XKR6: variants seen among roughly 807,000 people sequenced by gnomAD.
XKR6 encodes the protein XK related 6.
XKR6 carries 22 observed loss-of-function variants against 56.7 expected under a neutral mutation model. The ratio of observed to expected loss-of-function variants is 0.39; its 90% CI spans 0.28 to 0.55. The LOEUF is 0.55. XKR6 is among the 20% of genes least tolerant of loss of function. The pLI is 0.66. For missense variants in XKR6, 852 were observed against 889.0 expected (o/e 0.96, Z 0.53); for synonymous variants, 524 against 387.8 (o/e 1.35, Z -4.13).
intron 1 of XKR6, among the ~76,000 whole-genome samples, chr8:11,121,704 T>G (rs367974225): frequency 6.6e-5 from 10 of 152,344 alleles, no homozygotes; most frequent in South Asian, 2.1e-4. Context: ...CAAAGGATTA[T>G]AAATCATGCT....
chr8:11,055,746 G>A (rs1224507164), intron 1 of XKR6, among the ~76,000 whole-genome samples: 10 of 152,058 alleles, frequency 6.6e-5, no homozygotes, highest in East Asian at 3.9e-4. Context: ...GCACAGCCTC[G>A]TGGTGACCTC....
At chr8:11,119,333 T>A (rs1799334711) in intron 1 of XKR6, among the ~76,000 whole-genome samples, 1 of 152,244 alleles carries the variant, frequency 6.6e-6, no homozygotes. Context: ...GTCCGCTTGG[T>A]GCAGAGTTGA....
chr8:11,007,160 G>C (rs1057097107), intron 1 of XKR6, among the ~76,000 whole-genome samples: 5 of 152,164 alleles, frequency 3.3e-5, no homozygotes, highest in African/African-American at 1.2e-4. Context: ...AGCTGTGGCA[G>C]CCAATGTATG....
At chr8:10,999,920 CA>C in intron 1 of XKR6, among the ~76,000 whole-genome samples, 1 of 152,264 alleles carries the variant, frequency 6.6e-6, no homozygotes, top group Middle Eastern at 3.4e-3. Context: ...TATAAACTAA[CA>C]AAGGATTAAG....
chr8:11,018,494 A>G (rs927916905), intron 1 of XKR6, among the ~76,000 whole-genome samples: 17 of 152,116 alleles, frequency 1.1e-4, no homozygotes, highest in African/African-American at 3.4e-4. Context: ...CCTCCATAAT[A>G]TGGGGGTCCC....
chr8:10,971,932 G>A (rs1802420778), intron 1 of XKR6, among the ~76,000 whole-genome samples: 1 of 151,960 alleles, frequency 6.6e-6, no homozygotes, highest in East Asian at 1.9e-4. Context: ...CAAATTTATT[G>A]TTGATTTCCA....
intron 1 of XKR6, among the ~76,000 whole-genome samples, chr8:10,933,081 T>C (rs1353961720): frequency 6.6e-6 from 1 of 151,962 alleles, no homozygotes; most frequent in African/African-American, 2.4e-5. Context: ...TTTTTAATGA[T>C]TGCCATTCTA....
chr8:11,097,634 C>A (rs1338453363), intron 1 of XKR6, among the ~76,000 whole-genome samples: 1 of 151,328 alleles, frequency 6.6e-6, no homozygotes, highest in Non-Finnish European at 1.5e-5. Context: ...ATGGTGAAAC[C>A]CCATCTCTAC....
chr8:10,965,357 C>T (rs897653169), intron 1 of XKR6, among the ~76,000 whole-genome samples: 4 of 152,212 alleles, frequency 2.6e-5, no homozygotes, highest in African/African-American at 9.6e-5. Flanking sequence ...CCGAGCACCA[C>T]GGTCCCCCAG....
chr8:11,041,796 T>C (rs1188179407), intron 1 of XKR6, among the ~76,000 whole-genome samples: 3 of 152,202 alleles, frequency 2.0e-5, no homozygotes, highest in Non-Finnish European at 4.4e-5. Context: ...GACCTTACGC[T>C]ACTGGTGGAA....
At chr8:11,041,667 G>A (rs1799290321) in intron 1 of XKR6, among the ~76,000 whole-genome samples, 1 of 152,206 alleles carries the variant, frequency 6.6e-6, no homozygotes, top group Non-Finnish European at 1.5e-5. Flanking sequence ...GGGGTTGTGG[G>A]TCATCTTAGG....
intron 1 of XKR6, among the ~76,000 whole-genome samples, chr8:11,086,726 A>T (rs542774907): frequency 6.6e-6 from 1 of 152,206 alleles, no homozygotes; most frequent in Non-Finnish European, 1.5e-5. Flanking sequence ...CTCTGATCCT[A>T]TCTCTTTTCT....
intron 1 of XKR6, among the ~76,000 whole-genome samples, chr8:11,180,035 A>AG (rs1291556197): frequency 6.6e-6 from 1 of 152,134 alleles, no homozygotes; most frequent in Non-Finnish European, 1.5e-5. Context: ...GCTACTTGGG[A>AG]GGCTGAGGTG....
intron 1 of XKR6, among the ~76,000 whole-genome samples, chr8:11,052,108 C>G (rs889784202): frequency 7.2e-5 from 11 of 152,282 alleles, no homozygotes; most frequent in Non-Finnish European, 1.0e-4. Context: ...CCCCTCACCC[C>G]CTCTGCTCCA....
chr8:11,013,387 C>A (rs149332598), intron 1 of XKR6, among the ~76,000 whole-genome samples: 2 of 152,032 alleles, frequency 1.3e-5, no homozygotes, highest in Admixed American at 6.6e-5. Flanking sequence ...GAACATGAAC[C>A]CTGAGGGCCA....
chr8:11,145,879 C>T (rs1208575619), intron 1 of XKR6, among the ~76,000 whole-genome samples: 1 of 151,972 alleles, frequency 6.6e-6, no homozygotes, highest in African/African-American at 2.4e-5. Flanking sequence ...AAACGACCCA[C>T]AATAGTCAAA....
intron 1 of XKR6, among the ~76,000 whole-genome samples, chr8:11,173,312 C>T (rs1286643446): frequency 3.3e-5 from 5 of 150,948 alleles, no homozygotes; most frequent in Non-Finnish European, 5.9e-5. Context: ...CCACTGCACT[C>T]CAGCCTGGGC....
chr8:11,007,355 T>C (rs1798393367), intron 1 of XKR6, among the ~76,000 whole-genome samples: 1 of 152,214 alleles, frequency 6.6e-6, no homozygotes, highest in Non-Finnish European at 1.5e-5. Context: ...TCTTAAGCAA[T>C]ATCCCTGCCT....
intron 1 of XKR6, among the ~76,000 whole-genome samples, chr8:11,004,995 T>C (rs945773706): frequency 7.9e-5 from 12 of 152,254 alleles, no homozygotes; most frequent in Middle Eastern, 3.4e-3. Flanking sequence ...GTCAAATTCA[T>C]AGGAACAGAA....
Sources: gnomAD v4.1 joint callset for allele counts (sites outside exome capture counted in the v4.1 genomes callset) on GRCh38, gnomAD v4.1.1 for gene constraint, MANE v1.5 for transcripts, NCBI Gene and HGNC (gene_info 2026-07-23, HGNC 2026-07-21) for gene names.